The following PARVB variants were observed in gnomAD, a reference collection of about 807,000 sequenced individuals.
The protein encoded by PARVB is beta-parvin.
Under a neutral mutation model 47.0 loss-of-function variants are expected in PARVB, and 46 were observed. That is an observed-to-expected ratio of 0.98 (90% confidence interval 0.77 to 1.25). The LOEUF is 1.25. Ranked by LOEUF, PARVB falls within the 50% of genes most tolerant of loss-of-function variation. The probability of loss-of-function intolerance (pLI) is 0.00; values close to 1 mark genes in which losing one functional copy is unlikely to be tolerated. For missense variants in PARVB, 473 were observed against 471.6 expected (o/e 1.00, Z -0.03); for synonymous variants, 196 against 196.3 (o/e 1.00, Z 0.01).
At chr22:44,153,050 G>A (rs2053844052) in intron 10 of PARVB, 1 of 152,238 alleles carries the variant, frequency 6.6e-6, no homozygotes. Context: ...GTCATGGACA[G>A]TGTGGGTCTG....
chr22:44,094,327 G>A (rs1254040407), intron 2 of PARVB, among the ~76,000 whole-genome samples: 3 of 152,308 alleles, frequency 2.0e-5, no homozygotes, highest in East Asian at 1.9e-4. Flanking sequence ...GAAAGGAGGT[G>A]TAGCAGGCCA....
chr22:44,049,782 G>A lies in PARVB; in HGVS notation c.112+25331G>A, dbSNP rs985473293. On this transcript the variant is annotated intron_variant, in intron 1 of 12. Coordinates refer to ENST00000338758, the MANE Select transcript of PARVB (RefSeq NM_013327.5). The surrounding 1 kb of genome is among the most constrained non-coding windows in gnomAD (Gnocchi z 4.0). ...CTATTAAAGCAGGAGACCTCTGCCC[G>A]GGAACGGGCCATTTGGGGGCTCAGC... is the stretch of plus-strand genomic sequence containing the variant. 2.0e-5 allele frequency among the ~76,000 whole-genome samples: 3 copies of A among 152,236 alleles called. No homozygotes were observed. Among genetic ancestry groups the A allele is most frequent in the Non-Finnish European group, 2.9e-5 (2 of 68,034 alleles).
At chr22:44,071,983 C>A (rs1206664520) in intron 1 of PARVB, among the ~76,000 whole-genome samples, 1 of 152,230 alleles carries the variant, frequency 6.6e-6, no homozygotes, top group Admixed American at 6.5e-5. Flanking sequence ...CTAACACCCT[C>A]CTTCCCTCCC....
In PARVB at chr22:44,100,082, C is replaced by T; in HGVS notation, c.232C>T (p.Pro78Ser). Residue 78 changes from proline to serine, a missense_variant, in exon 3 of 13, where the codon CCC becomes TCC. Transcript: ENST00000338758. ...EENEERTMID[P>S]TSKEDPKFKE... is the part of the protein sequence containing the mutation. ...GAACGAGGAGCGCACGATGATTGAC[C>T]CCACTTCCAAGGAAGACCCCAAGTT... 1 of 1,614,028 alleles carries T rather than the reference C, an allele frequency of 6.2e-7. No individual in the cohort carries two copies. Among genetic ancestry groups the T allele is most frequent in the Non-Finnish European group, 8.5e-7 (1 of 1,179,942 alleles).
At chr22:44,130,830 C>T (rs1362774283) in intron 4 of PARVB, among the ~76,000 whole-genome samples, 1 of 152,132 alleles carries the variant, frequency 6.6e-6, no homozygotes, top group African/African-American at 2.4e-5. Flanking sequence ...CCGAGTATAA[C>T]ACCCACAGTT....
At position 44,168,869 on chromosome 22, in the gene PARVB, C is replaced by T. The variant is rs1207138370; in HGVS notation, c.*191C>T. On this transcript the variant is annotated 3_prime_UTR_variant, in exon 13 of 13. Coordinates refer to ENST00000338758, the MANE Select transcript of PARVB (RefSeq NM_013327.5). ...TTTTGGTTGTTGTTCTTAATCTCCT[C>T]TCCATGTAGTTCCCAGTGGGCAAGA... The T allele has an allele frequency of 1.6e-5, 9 of 568,682 alleles. No individual in the cohort carries two copies. Among genetic ancestry groups the T allele is most frequent in the Non-Finnish European group, 2.2e-5 (7 of 317,754 alleles). 35.2% of individuals were successfully genotyped at this position (568,682 alleles called of 1,614,324 possible).
chr22:44,057,166 A>C (rs1203384809), intron 1 of PARVB, among the ~76,000 whole-genome samples: 1 of 152,070 alleles, frequency 6.6e-6, no homozygotes, highest in Non-Finnish European at 1.5e-5. Context: ...TTTGTGGGAA[A>C]ATTAAACACA....
intron 1 of PARVB, among the ~76,000 whole-genome samples, chr22:44,085,812 G>T (rs201603009): frequency 6.6e-6 from 1 of 152,180 alleles, no homozygotes; most frequent in Non-Finnish European, 1.5e-5. Context: ...CAGCCCTTTG[G>T]CATCCATCCA....
At chr22:44,015,588 G>A (rs1327115155) in intron 2 of PARVB, among the ~76,000 whole-genome samples, 1 of 152,204 alleles carries the variant, frequency 6.6e-6, no homozygotes, top group East Asian at 1.9e-4. Context: ...GGAGGCTGGG[G>A]CGGGCAGATC....
chr22:44,051,129 C>T (rs969847401), intron 1 of PARVB, among the ~76,000 whole-genome samples: 5 of 152,150 alleles, frequency 3.3e-5, no homozygotes, highest in East Asian at 1.9e-4. Context: ...AGAGATCTCC[C>T]GTGACAGAGT....
intron 6 of PARVB, among the ~76,000 whole-genome samples, chr22:44,135,698 A>G (rs954512526): frequency 4.6e-5 from 7 of 152,238 alleles, no homozygotes; most frequent in Admixed American, 2.6e-4. Context: ...TATGGAGGCC[A>G]GAAGTCTGAA....
upstream of PARVB, among the ~76,000 whole-genome samples, chr22:44,022,773 G>A (rs2050666389): frequency 6.6e-6 from 1 of 150,466 alleles, no homozygotes; most frequent in Admixed American, 6.6e-5. Flanking sequence ...TGGAGACAGA[G>A]TCTCGCTCTG....
At chr22:44,127,277 G>A (rs546004563) in intron 4 of PARVB, among the ~76,000 whole-genome samples, 1 of 151,480 alleles carries the variant, frequency 6.6e-6, no homozygotes, top group East Asian at 1.9e-4. Flanking sequence ...CTGAAAAAAA[G>A]AACAGTGGAC....
At chr22:44,003,986 A>G (rs1046496716) in intron 2 of PARVB, among the ~76,000 whole-genome samples, 1 of 152,132 alleles carries the variant, frequency 6.6e-6, no homozygotes, top group Non-Finnish European at 1.5e-5. Context: ...GGGAGCCCCT[A>G]GTTCTGTTTG....
intron 2 of PARVB, among the ~76,000 whole-genome samples, chr22:44,003,237 T>C (rs1441280596): frequency 6.6e-6 from 1 of 152,224 alleles, no homozygotes; most frequent in Non-Finnish European, 1.5e-5. Flanking sequence ...CTTCCTGTAT[T>C]GAGTCAGAGA....
chr22:44,031,435 GTTTTC>G (rs1569062701), intron 1 of PARVB: 2 of 152,286 alleles, frequency 1.3e-5, no homozygotes, highest in Non-Finnish European at 1.5e-5. Context: ...GGGTGTTTTT[GTTTTC>G]TTTTGTTTTG....
chr22:44,070,625 G>A (rs1226377019), intron 1 of PARVB, among the ~76,000 whole-genome samples: 1 of 152,132 alleles, frequency 6.6e-6, no homozygotes, highest in African/African-American at 2.4e-5. Context: ...GTGGAAGGAG[G>A]GGCATAATGA....
chr22:44,099,182 C>T (rs1425505505), intron 2 of PARVB, among the ~76,000 whole-genome samples: 1 of 152,214 alleles, frequency 6.6e-6, no homozygotes, highest in East Asian at 1.9e-4. Flanking sequence ...GTGAGTGGAG[C>T]CTGGGCCCCA....
intron 11 of PARVB, among the ~76,000 whole-genome samples, chr22:44,163,298 G>A (rs1044705814): frequency 2.0e-5 from 3 of 151,938 alleles, no homozygotes; most frequent in East Asian, 1.9e-4. Flanking sequence ...GGCAAAACCC[G>A]TCTCTAAAAA....
Sources: gnomAD v4.1 joint callset for allele counts (sites outside exome capture counted in the v4.1 genomes callset) on GRCh38, gnomAD v4.1.1 for gene constraint, Gnocchi (gnomAD v3.1) non-coding constraint, MANE v1.5 for transcripts, NCBI Gene and HGNC (gene_info 2026-07-23, HGNC 2026-07-21) for gene names.